Variants in CACNA1C observed in about 807,000 individuals in gnomAD.
CACNA1C encodes voltage-dependent L-type calcium channel subunit alpha-1C.
A neutral mutation model predicts 229.0 loss-of-function variants in CACNA1C; 30 were observed. The ratio of observed to expected loss-of-function variants is 0.13; its 90% CI spans 0.10 to 0.18. The LOEUF is 0.18. Ranked by LOEUF, CACNA1C falls within the 10% of genes least tolerant of loss-of-function variation. The pLI, the probability that CACNA1C is intolerant of heterozygous loss-of-function variation, is 1.00. For synonymous variants in CACNA1C, 1,114 were observed against 1,132.5 expected (o/e 0.98, Z 0.33); for missense variants, 1,658 against 2,845.0 (o/e 0.58, Z 9.49).
intron 30 of CACNA1C, chr12:2,641,351 G>A (rs528761882): frequency 1.1e-5 from 2 of 189,658 alleles, no homozygotes; most frequent in African/African-American, 2.3e-5. Flanking sequence ...CGGAACTCCC[G>A]GTCAGTAGGG....
intron 10 of CACNA1C, chr12:2,550,690 C>T (rs2154592153): frequency 7.5e-7 from 1 of 1,324,508 alleles, no homozygotes; most frequent in Middle Eastern, 2.6e-4. Flanking sequence ...AATTGCTCCA[C>T]CTGGGGGGCG....
At chr12:2,481,826 A>G (rs956273671) in intron 5 of CACNA1C, among the ~76,000 whole-genome samples, 1 of 152,236 alleles carries the variant, frequency 6.6e-6, no homozygotes, top group Non-Finnish European at 1.5e-5. Context: ...GTGGGCCAAT[A>G]GTGATCTTGT....
intron 1 of CACNA1C, among the ~76,000 whole-genome samples, chr12:2,110,408 CA>C (rs1203343729): frequency 1.3e-5 from 2 of 152,170 alleles, no homozygotes; most frequent in African/African-American, 4.8e-5. Context: ...GGGCCTTGTT[CA>C]GGGGTGGGAG....
At chr12:2,610,938 G>A (rs2077355388) in intron 28 of CACNA1C, among the ~76,000 whole-genome samples, 2 of 152,144 alleles carry the variant, frequency 1.3e-5, no homozygotes, top group African/African-American at 4.8e-5. Context: ...AGGGAGGGTT[G>A]AGCTGAATGC....
intron 3 of CACNA1C, among the ~76,000 whole-genome samples, chr12:2,428,308 C>T (rs772703956): frequency 8.1e-4 from 124 of 152,314 alleles, no homozygotes; most frequent in Non-Finnish European, 1.4e-3. Flanking sequence ...CTCCTGCTGG[C>T]CTTGGGTCCT....
chr12:2,638,855 G>GT (rs1555929896), intron 30 of CACNA1C, among the ~76,000 whole-genome samples: 2 of 152,068 alleles, frequency 1.3e-5, no homozygotes, highest in South Asian at 2.1e-4. Flanking sequence ...CAGTTTTGAC[G>GT]TATCTGTTAG....
intron 1 of CACNA1C, chr12:1,993,519 T>C: frequency 8.8e-7 from 1 of 1,140,640 alleles, no homozygotes; most frequent in Non-Finnish European, 1.2e-6. Context: ...ATAAGCAGCC[T>C]GTACACGTAC....
intron 3 of CACNA1C, among the ~76,000 whole-genome samples, chr12:2,360,208 A>G (rs963700544): frequency 1.3e-5 from 1 of 79,088 alleles, no homozygotes; most frequent in African/African-American, 5.1e-5. Flanking sequence ...CCACCCCACC[A>G]GGACAAATGC....
chr12:2,270,320 AC>A (rs1425877149), intron 3 of CACNA1C, among the ~76,000 whole-genome samples: 2 of 151,948 alleles, frequency 1.3e-5, no homozygotes, highest in Non-Finnish European at 2.9e-5. Flanking sequence ...TCTCCCATAC[AC>A]CCTCCTTCTC....
At chr12:2,357,684 G>T (rs61907785) in intron 3 of CACNA1C, among the ~76,000 whole-genome samples, 1 of 136,806 alleles carries the variant, frequency 7.3e-6, no homozygotes, top group Non-Finnish European at 1.6e-5. Flanking sequence ...AAAAAAAAAG[G>T]AATCGGCCAG....
At chr12:2,494,745 T>C (rs140479833) in intron 7 of CACNA1C, among the ~76,000 whole-genome samples, 1 of 152,342 alleles carries the variant, frequency 6.6e-6, no homozygotes, top group Non-Finnish European at 1.5e-5. Flanking sequence ...AAAAGCACCA[T>C]GTCCTGTTGA....
At position 2,479,506 on chromosome 12, in the gene CACNA1C, A is replaced by G. The variant is rs1410641068; in HGVS notation, c.758-6598A>G. On this transcript the variant is annotated intron_variant, in intron 5 of 46. Coordinates refer to ENST00000399655, the MANE Select transcript of CACNA1C (RefSeq NM_000719.7). This position sits in a 1 kb window ranked among gnomAD's most constrained non-coding sequence, Gnocchi z 4.3. Reference sequence around the variant, plus strand: ...ACTCTTTTTGTTTGGATTTGGCTAAAGTTTATTTGGAAATACAGAAGGCAT... The same window carrying G: ...ACTCTTTTTGTTTGGATTTGGCTAAGGTTTATTTGGAAATACAGAAGGCAT... Among the ~76,000 whole-genome samples the G allele has an allele frequency of 6.6e-6, 1 of 152,218 alleles. No individual in the cohort carries two copies. Among genetic ancestry groups the G allele is most frequent in the Non-Finnish European group, 1.5e-5 (1 of 68,038 alleles).
At chr12:2,118,135 A>G (rs1259879614) in intron 2 of CACNA1C, among the ~76,000 whole-genome samples, 1 of 152,172 alleles carries the variant, frequency 6.6e-6, no homozygotes, top group Admixed American at 6.5e-5. Flanking sequence ...TTTAGCATGA[A>G]GTGAAGGATG....
chr12:2,607,837 G>A (rs1436375091), intron 26 of CACNA1C: 1 of 152,292 alleles, frequency 6.6e-6, no homozygotes, highest in Admixed American at 6.5e-5. Flanking sequence ...GCAATGCATG[G>A]ATCTTAGGTA....
At chr12:2,388,842 G>GTTGGGTTTGTGGAGTTGGCAGTGTCTA (rs1273392635) in intron 3 of CACNA1C, among the ~76,000 whole-genome samples, 5 of 152,230 alleles carry the variant, frequency 3.3e-5, no homozygotes, top group African/African-American at 1.2e-4. Context: ...CATGGTCCAT[G>GTTGGGTTTGTGGAGTTGGCAGTGTCTA]TTGGGTTTGT....
chr12:2,670,749 C>G (rs2096524110), intron 38 of CACNA1C, among the ~76,000 whole-genome samples: 1 of 151,792 alleles, frequency 6.6e-6, no homozygotes, highest in Admixed American at 6.6e-5. Flanking sequence ...ATCCCAGCTA[C>G]TCAGGAGGCT....
Position 2,665,752 on chromosome 12 carries a change from G to A in CACNA1C, c.4526+44G>A. The A allele has an allele frequency of 1.9e-6, 3 of 1,586,620 alleles. No homozygotes were observed. Among genetic ancestry groups the A allele is most frequent in the Non-Finnish European group, 2.6e-6 (3 of 1,165,170 alleles). On this transcript the variant is annotated intron_variant, in intron 36 of 46. Transcript: ENST00000399655. This position sits in a 1 kb window ranked among gnomAD's most constrained non-coding sequence, Gnocchi z 5.9. ...ATCCTGATTCCCCAAGCTGAGAGAGGGTATAGCTGACCATACCTGCAGGAG... is the reference window on the plus strand; with the variant it reads ...ATCCTGATTCCCCAAGCTGAGAGAGAGTATAGCTGACCATACCTGCAGGAG...
intron 1 of CACNA1C, among the ~76,000 whole-genome samples, chr12:1,999,404 A>G (rs1243848142): frequency 1.3e-5 from 2 of 152,252 alleles, no homozygotes; most frequent in Non-Finnish European, 2.9e-5. Flanking sequence ...TTATTATGGA[A>G]TATGAAATTA....
intron 1 of CACNA1C, among the ~76,000 whole-genome samples, chr12:2,096,273 T>C (rs11062122): frequency 0.084 from 12,851 of 152,324 alleles, 1,151 homozygotes; most frequent in African/African-American, 0.22. Context: ...ATATGATTTA[T>C]TTGATATTTG....
Sources: allele counts gnomAD v4.1 joint callset (sites outside exome capture counted in the v4.1 genomes callset), GRCh38; gene constraint gnomAD v4.1.1; non-coding constraint Gnocchi (gnomAD v3.1); transcripts MANE v1.5; gene names NCBI Gene and HGNC (gene_info 2026-07-23, HGNC 2026-07-21).